The following GJB7 variants were observed in gnomAD, a reference collection of about 807,000 sequenced individuals.
GJB7 encodes the protein gap junction protein beta 7, also known as gap junction beta-7 protein.
For missense variants in GJB7, 253 were observed against 256.8 expected (o/e 0.99, Z 0.10); for synonymous variants, 87 against 95.2 (o/e 0.91, Z 0.50).
At position 87,291,519 on chromosome 6, in the gene GJB7, GA is replaced by G. The variant is rs201519164; in HGVS notation, c.-27-6581del. Among the ~76,000 whole-genome samples, 821 of 152,226 alleles carry G rather than the reference GA, an allele frequency of 5.4e-3. 5 individuals carry two copies. The highest frequency in any genetic ancestry group is 7.6e-3 in the Non-Finnish European group (515 of 68,010). On this transcript the variant is annotated intron_variant, in intron 2 of 2. Coordinates refer to ENST00000525899, the MANE Select transcript of GJB7 (RefSeq NM_198568.3). Reference sequence around the variant, plus strand: ...TCCATCCACACAGAAAATGTCCCTAGAAGATCCTGGACTGCTCCTCTGTTCC... The same window carrying G: ...TCCATCCACACAGAAAATGTCCCTAGAGATCCTGGACTGCTCCTCTGTTCC...
intron 2 of GJB7, among the ~76,000 whole-genome samples, chr6:87,298,414 G>A (rs1776275973): frequency 6.6e-6 from 1 of 152,198 alleles, no homozygotes; most frequent in Non-Finnish European, 1.5e-5. Context: ...ATATCTTGGT[G>A]CTAGTGAGTT....
chr6:87,288,989 T>C (rs1035163394), intron 2 of GJB7, among the ~76,000 whole-genome samples: 1 of 152,178 alleles, frequency 6.6e-6, no homozygotes, highest in Admixed American at 6.5e-5. Context: ...CTACCATGGT[T>C]TTCTGTTGCA....
intron 2 of GJB7, among the ~76,000 whole-genome samples, chr6:87,314,382 CAAGGGTAGAA>C (rs980681006): frequency 5.3e-5 from 8 of 152,196 alleles, no homozygotes; most frequent in African/African-American, 1.7e-4. Context: ...TAGGTTTGGG[CAAGGGTAGAA>C]AAGTAAGAAG....
intron 2 of GJB7, among the ~76,000 whole-genome samples, chr6:87,307,986 T>A (rs1283290733): frequency 6.6e-6 from 1 of 152,168 alleles, no homozygotes; most frequent in African/African-American, 2.4e-5. Flanking sequence ...CAAATGTCCT[T>A]CAATGATAGA....
intron 2 of GJB7, among the ~76,000 whole-genome samples, chr6:87,321,734 C>A (rs1776666793): frequency 6.6e-6 from 1 of 152,150 alleles, no homozygotes; most frequent in Non-Finnish European, 1.5e-5. Context: ...AAAGAGGTTT[C>A]ATTAGCTCAC....
At chr6:87,305,829 A>ATATGCCCG (rs1445193285) in intron 2 of GJB7, among the ~76,000 whole-genome samples, 2 of 152,234 alleles carry the variant, frequency 1.3e-5, no homozygotes, top group Non-Finnish European at 2.9e-5. Flanking sequence ...CAAAACAGAG[A>ATATGCCCG]TATAGACCAA....
chr6:87,292,473 TA>T (rs1178266127), intron 2 of GJB7, among the ~76,000 whole-genome samples: 11 of 152,250 alleles, frequency 7.2e-5, no homozygotes, highest in African/African-American at 2.6e-4. Flanking sequence ...TATACTATTA[TA>T]AAAAAAGCTA....
intron 2 of GJB7, among the ~76,000 whole-genome samples, chr6:87,307,646 C>T (rs1304817197): frequency 2.0e-5 from 3 of 152,142 alleles, no homozygotes; most frequent in Non-Finnish European, 2.9e-5. Flanking sequence ...CACTGGACAT[C>T]AGAGAAATAC....
At chr6:87,321,762 A>G (rs1343784136) in intron 2 of GJB7, among the ~76,000 whole-genome samples, 2 of 152,324 alleles carry the variant, frequency 1.3e-5, no homozygotes, top group Admixed American at 6.5e-5. Flanking sequence ...CAGGCTGTAC[A>G]GGAGGTATGG....
chr6:87,308,804 C>T (rs114792970), intron 2 of GJB7, among the ~76,000 whole-genome samples: 1,541 of 150,848 alleles, frequency 0.01, 30 homozygotes, highest in African/African-American at 0.034. Flanking sequence ...TAAAGGCAAC[C>T]AGATAAAAAA....
chr6:87,319,523 T>C (rs975848583), intron 2 of GJB7, among the ~76,000 whole-genome samples: 1 of 152,230 alleles, frequency 6.6e-6, no homozygotes, highest in Admixed American at 6.5e-5. Flanking sequence ...TGGGTCTGCT[T>C]AGGATGCAAC....
intron 2 of GJB7, chr6:87,298,754 CGCT>C (rs1776280726): frequency 4.4e-6 from 1 of 226,950 alleles, no homozygotes; most frequent in Non-Finnish European, 9.4e-6. Context: ...ACCCACGCCT[CGCT>C]GCCATCCGAC....
rs141314026 is a variant in GJB7 at position 87,304,827 on chromosome 6, A to G, written c.-28+18039T>C. 9.8e-5 allele frequency among the ~76,000 whole-genome samples: 15 copies of G among 152,342 alleles called. No homozygotes were observed. The East Asian group carries it at 2.9e-3, about 29-fold the overall frequency. On this transcript the variant is annotated intron_variant, in intron 2 of 2. Transcript: ENST00000525899. ...CAGCACATCAAAAAGCTTATCAACG[A>G]TGATCAAGTGGGCTTCATCCCTGGT... is the stretch of plus-strand genomic sequence containing the variant.
chr6:87,290,497 G>T (rs1776150868), intron 2 of GJB7, among the ~76,000 whole-genome samples: 1 of 150,416 alleles, frequency 6.6e-6, no homozygotes, highest in Admixed American at 6.6e-5. Context: ...CCAAACCCAG[G>T]ATCTGTGGCC....
chr6:87,293,462 G>T (rs1033442367), intron 2 of GJB7, among the ~76,000 whole-genome samples: 32 of 146,580 alleles, frequency 2.2e-4, no homozygotes, highest in Middle Eastern at 3.5e-3. Flanking sequence ...TTTTGTTTTT[G>T]TTTTTTTTTT....
At chr6:87,300,899 T>TA (rs1562211645) in intron 2 of GJB7, among the ~76,000 whole-genome samples, 1 of 152,074 alleles carries the variant, frequency 6.6e-6, no homozygotes, top group Non-Finnish European at 1.5e-5. Flanking sequence ...TTGTTTAAGC[T>TA]AAAAAAATAA....
chr6:87,328,390 C>CT (rs542510884), intron 1 of GJB7, among the ~76,000 whole-genome samples: 171 of 152,144 alleles, frequency 1.1e-3, no homozygotes, highest in African/African-American at 3.8e-3. Flanking sequence ...GTTTTATCTA[C>CT]TTTTTGTCTT....
chr6:87,317,798 C>A (rs1776604052), intron 2 of GJB7, among the ~76,000 whole-genome samples: 2 of 152,224 alleles, frequency 1.3e-5, no homozygotes, highest in African/African-American at 4.8e-5. Context: ...ATTCCTGGTG[C>A]CCAGGAAAGC....
intron 2 of GJB7, among the ~76,000 whole-genome samples, chr6:87,314,852 C>T (rs775070541): frequency 3.3e-5 from 5 of 152,198 alleles, no homozygotes; most frequent in Non-Finnish European, 7.3e-5. Flanking sequence ...CTCCATGGAA[C>T]TTTCCTGGGG....
Sources: allele counts gnomAD v4.1 joint callset (sites outside exome capture counted in the v4.1 genomes callset), GRCh38; gene constraint gnomAD v4.1.1; transcripts MANE v1.5; gene names NCBI Gene and HGNC (gene_info 2026-07-23, HGNC 2026-07-21).